Variants in MAP3K12 observed in about 807,000 individuals in gnomAD.
The protein encoded by MAP3K12 is mitogen-activated protein kinase kinase kinase 12.
A neutral mutation model predicts 87.5 loss-of-function variants in MAP3K12; 14 were observed. The ratio of observed to expected loss-of-function variants is 0.16; its 90% CI spans 0.11 to 0.25. The LOEUF is 0.25. MAP3K12 is among the 10% of genes least tolerant of loss of function. The pLI is 1.00. For synonymous variants in MAP3K12, 469 were observed against 452.5 expected (o/e 1.04, Z -0.46); for missense variants, 802 against 1,140.4 (o/e 0.70, Z 4.27).
chr12:53,501,386 C>T (rs1222415828), upstream of MAP3K12: 13 of 1,556,216 alleles, frequency 8.4e-6, no homozygotes, highest in South Asian at 1.2e-5. Flanking sequence ...GTCACGGTGG[C>T]GCCCGCGGGG....
chr12:53,490,931 C>T (rs1325844652), intron 1 of MAP3K12, among the ~76,000 whole-genome samples: 2 of 151,838 alleles, frequency 1.3e-5, no homozygotes, highest in African/African-American at 4.8e-5. Context: ...ACAACCACCC[C>T]CACCAACAAA....
intron 1 of MAP3K12, among the ~76,000 whole-genome samples, chr12:53,492,266 T>C (rs1415203079): frequency 1.3e-5 from 2 of 152,180 alleles, no homozygotes; most frequent in Admixed American, 6.5e-5. Context: ...CCCATTATAC[T>C]GGACGGACAA....
Position 53,482,188 on chromosome 12 carries a change from C to A in MAP3K12, c.2333G>T (p.Arg778Leu). ...SQRWPQSLNM[R>L]QSLSTFSSEN... ...TGAGCTGAAGGTAGATAGTGACTGG[C>A]GCATGTTCAGGCTCTGAGGCCACCT... Residue 778 changes from arginine (R) to leucine (L), a missense_variant, in exon 13 of 14, where the codon CGC (arginine) becomes CTC (leucine). By Grantham distance (102) the Arg-to-Leu change is moderately radical. This residue lies in a region of MAP3K12 where 490 missense variants were observed against 496.6 expected (regional missense o/e 0.99). Transcript: ENST00000547488. 1 of 1,614,158 alleles carries A rather than the reference C, an allele frequency of 6.2e-7. No individual in the cohort carries two copies.
In MAP3K12 at chr12:53,483,900, C is replaced by T. The variant is rs776278951; in HGVS notation, c.1358+11G>A. ...GTTAGTAAAATCACCTCCCCAAGCA[C>T]GGGAACTCACCTGAGCTCCTCCCTC... is the stretch of plus-strand genomic sequence containing the variant. On this transcript the variant is annotated intron_variant, in intron 8 of 13. Coordinates refer to ENST00000547488, the MANE Select transcript of MAP3K12 (RefSeq NM_001193511.2). 1.9e-5 allele frequency: 31 copies of T among 1,613,108 alleles called. No individual in the cohort carries two copies. Among genetic ancestry groups the T allele is most frequent in the African/African-American group, 2.7e-5 (2 of 74,868 alleles).
upstream of MAP3K12, chr12:53,501,132 C>T (rs1416646604): frequency 5.6e-6 from 3 of 539,008 alleles, no homozygotes; most frequent in Non-Finnish European, 6.6e-6. Context: ...AAAAATACGG[C>T]CTTCTCGAGA....
chr12:53,501,116 A>G (rs995735188), upstream of MAP3K12: 8 of 510,994 alleles, frequency 1.6e-5, no homozygotes, highest in African/African-American at 3.9e-5. Flanking sequence ...ACGGTATTAC[A>G]AACAAAAAAA....
rs199687123 is a variant in MAP3K12, at chr12:53,484,323, C to G, written c.1182G>C (p.Leu394=). 1 of 1,614,182 alleles carries G rather than the reference C, an allele frequency of 6.2e-7. No homozygotes were observed. ...PRNRPSFRQI[L]LHLDIASADV... is the part of the protein sequence containing the mutation. ...CAGCTGAGGCAATGTCCAGATGCAGCAGGATCTGTCGGAATGATGGGCGAT... is the reference window on the plus strand; with the variant it reads ...CAGCTGAGGCAATGTCCAGATGCAGGAGGATCTGTCGGAATGATGGGCGAT... Residue 394 remains leucine (L), a synonymous_variant, in exon 7 of 14, where the codon CTG becomes CTC. Coordinates refer to ENST00000547488, the MANE Select transcript of MAP3K12 (RefSeq NM_001193511.2).
chr12:53,485,565 T>C (rs1943205800), intron 4 of MAP3K12, 90 bp from the exon 5 acceptor site: 1 of 1,459,188 alleles, frequency 6.9e-7, no homozygotes, highest in East Asian at 2.3e-5. Context: ...TTTTTTTGTT[T>C]GTTTGTTTGA....
Position 53,482,385 on chromosome 12 carries a change from G to A in MAP3K12, c.2239-16C>T. 6.2e-7 allele frequency: 1 copy of A among 1,613,320 alleles called. No homozygotes were observed. Among genetic ancestry groups the A allele is most frequent in the South Asian group, 1.1e-5 (1 of 91,062 alleles). The stretch of plus-strand genomic sequence containing the variant: ...TGCCACGTTTCTGCAGGAGAGATGG[G>A]GTGGGGGGGGTCTGATTAGAAGTGG... On this transcript the variant is annotated splice_polypyrimidine_tract_variant and intron_variant, in intron 11 of 13. Transcript: ENST00000547488.
intron 1 of MAP3K12, among the ~76,000 whole-genome samples, chr12:53,489,988 T>C (rs550453395): frequency 6.6e-6 from 1 of 152,148 alleles, no homozygotes; most frequent in Non-Finnish European, 1.5e-5. Flanking sequence ...TCCACCCAGC[T>C]CCTTCAGAAG....
intron 8 of MAP3K12, 38 bp downstream of exon 8, chr12:53,483,873 C>T (rs1417676611): frequency 6.2e-7 from 1 of 1,611,498 alleles, no homozygotes; most frequent in Non-Finnish European, 8.5e-7. Context: ...ATAGTCCTTG[C>T]TGTTAGTAAA....
intron 1 of MAP3K12, among the ~76,000 whole-genome samples, chr12:53,492,350 A>G (rs1369102899): frequency 1.3e-5 from 2 of 152,158 alleles, no homozygotes; most frequent in Admixed American, 6.5e-5. Flanking sequence ...CAAGGGAACC[A>G]TGGCTTGCAA....
chr12:53,487,533 C>T (rs983785322), intron 1 of MAP3K12, 105 bp from the exon 2 acceptor site: 15 of 1,166,324 alleles, frequency 1.3e-5, no homozygotes, highest in Non-Finnish European at 1.7e-5. Context: ...TTCACAGTAG[C>T]CCCGCTGGAG....
upstream of MAP3K12, chr12:53,501,000 A>G (rs1943675152): frequency 4.8e-6 from 1 of 208,278 alleles, no homozygotes; most frequent in Non-Finnish European, 9.9e-6. Context: ...CTCCGTGCCC[A>G]AGTGAGTCCT....
chr12:53,485,995 C>A, intron 4 of MAP3K12, 61 bp downstream of exon 4: 2 of 1,500,662 alleles, frequency 1.3e-6, no homozygotes, highest in Non-Finnish European at 1.8e-6. Context: ...CGGGAGAAGG[C>A]CACACTGACT....
upstream of MAP3K12, chr12:53,501,435 C>T: frequency 6.4e-7 from 1 of 1,569,250 alleles, no homozygotes; most frequent in African/African-American, 1.4e-5. Flanking sequence ...AAGGCTCCGG[C>T]ACTACCACGG....
intron 6 of MAP3K12, chr12:53,484,672 C>T (rs890463150): frequency 9.0e-6 from 4 of 443,282 alleles, no homozygotes; most frequent in Non-Finnish European, 1.2e-5. Flanking sequence ...GATTAGCAAT[C>T]GTCAAACTTC....
intron 1 of MAP3K12, among the ~76,000 whole-genome samples, chr12:53,490,948 C>T (rs1943381677): frequency 6.6e-6 from 1 of 151,820 alleles, no homozygotes; most frequent in African/African-American, 2.4e-5. Context: ...CAAACTTGGC[C>T]ACGTCGGGTT....
intron 1 of MAP3K12, among the ~76,000 whole-genome samples, chr12:53,498,639 G>A (rs1168296308): frequency 3.3e-5 from 5 of 152,112 alleles, no homozygotes; most frequent in Non-Finnish European, 7.4e-5. Context: ...TTTGAGGAGT[G>A]TTTGTGGGAA....
Sources: allele counts gnomAD v4.1 joint callset (sites outside exome capture counted in the v4.1 genomes callset), GRCh38; gene constraint gnomAD v4.1.1; regional missense constraint gnomAD v4.1.1; transcripts MANE v1.5; gene names NCBI Gene and HGNC (gene_info 2026-07-23, HGNC 2026-07-21).